SOX6: variants seen among roughly 807,000 people sequenced by gnomAD.
SOX6 encodes transcription factor SOX-6.
In SOX6, 11 loss-of-function variants were observed where a neutral mutation model predicts 97.8. That is an observed-to-expected ratio of 0.11 (90% CI 0.07 to 0.19). The LOEUF is 0.19. SOX6 is among the 10% of genes least tolerant of loss of function. The pLI, the probability that SOX6 is intolerant of heterozygous loss-of-function variation, is 1.00. For missense variants in SOX6, 810 were observed against 1,039.5 expected, an observed-to-expected ratio of 0.78 and a Z score of 3.04; for synonymous variants, 360 against 371.4, an observed-to-expected ratio of 0.97 and a Z score of 0.35.
chr11:16,020,581 C>T (rs935555065), intron 12 of SOX6, among the ~76,000 whole-genome samples: 1 of 152,082 alleles, frequency 6.6e-6, no homozygotes, highest in Admixed American at 6.6e-5. Flanking sequence ...AGTGACTTGC[C>T]TTTCAATAAT....
intron 2 of SOX6, 60 bp from the exon 3 acceptor site, chr11:16,318,713 G>GA (rs1376822765): frequency 5.9e-5 from 87 of 1,463,232 alleles, no homozygotes; most frequent in Middle Eastern, 2.1e-4. Context: ...TGCTACTGGA[G>GA]AAAAAAATCC....
chr11:16,703,627 C>A (rs1848110540), intron 3 of SOX6, among the ~76,000 whole-genome samples: 1 of 151,724 alleles, frequency 6.6e-6, no homozygotes, highest in Admixed American at 6.6e-5. Flanking sequence ...TGGCTTTTAC[C>A]CCTCTCTCTC....
intron 3 of SOX6, among the ~76,000 whole-genome samples, chr11:16,674,045 C>A (rs1351677023): frequency 6.6e-6 from 1 of 151,954 alleles, no homozygotes; most frequent in Non-Finnish European, 1.5e-5. Flanking sequence ...AAAAAATTAG[C>A]CGGGCCTGGT....
intron 1 of SOX6, among the ~76,000 whole-genome samples, chr11:16,436,229 GCTGTTGGTCA>G (rs750823101): frequency 2.0e-5 from 3 of 152,104 alleles, no homozygotes; most frequent in Non-Finnish European, 1.5e-5. Flanking sequence ...AATAGTGATT[GCTGTTGGTCA>G]CTTCCTTCTT....
At chr11:16,618,647 C>T (rs1416953863) in intron 3 of SOX6, among the ~76,000 whole-genome samples, 1 of 151,552 alleles carries the variant, frequency 6.6e-6, no homozygotes, top group Non-Finnish European at 1.5e-5. Context: ...TCTTAAAAGA[C>T]GATAAAAGAT....
At chr11:16,626,739 C>T (rs1050674285) in intron 3 of SOX6, among the ~76,000 whole-genome samples, 5 of 152,124 alleles carry the variant, frequency 3.3e-5, no homozygotes, top group African/African-American at 9.7e-5. Context: ...ATATTCAATG[C>T]AGAGGTCTTA....
chr11:16,272,104 T>C (rs1012358047), intron 3 of SOX6, among the ~76,000 whole-genome samples: 2 of 151,490 alleles, frequency 1.3e-5, no homozygotes, highest in East Asian at 3.8e-4. Flanking sequence ...TATTTAACAG[T>C]TTTTAGTAAA....
At position 16,202,474 on chromosome 11, in the gene SOX6, C is replaced by T. The variant is rs549243155; in HGVS notation, c.536-15519G>A. Among the ~76,000 whole-genome samples, 7 of 151,956 alleles carry T rather than the reference C, an allele frequency of 4.6e-5. 2 individuals carry two copies. The South Asian group carries it at 1.0e-3, about 23-fold the overall frequency. ...ACAAATGGCTGCTGAATAAATTCCA[C>T]GAAAAAAAGTATTTTTCCCCATTCA... On this transcript the variant is annotated intron_variant, in intron 4 of 15. Coordinates refer to ENST00000683767, the MANE Select transcript of SOX6 (RefSeq NM_001367873.1).
At chr11:16,521,213 C>G (rs972300218) in intron 4 of SOX6, among the ~76,000 whole-genome samples, 3 of 152,194 alleles carry the variant, frequency 2.0e-5, no homozygotes, top group African/African-American at 7.2e-5. Flanking sequence ...CCCGAGCAGC[C>G]TAACTGGGAG....
intron 1 of SOX6, among the ~76,000 whole-genome samples, chr11:16,350,558 C>T (rs988042429): frequency 2.0e-5 from 3 of 151,990 alleles, no homozygotes; most frequent in African/African-American, 4.8e-5. Context: ...TCCTAAACTT[C>T]GATGATGAGT....
intron 4 of SOX6, among the ~76,000 whole-genome samples, chr11:16,210,015 A>G (rs948175663): frequency 2.6e-5 from 4 of 152,174 alleles, no homozygotes; most frequent in African/African-American, 9.6e-5. Context: ...ATGTGGAGAA[A>G]GTGAAACCCA....
intron 1 of SOX6, among the ~76,000 whole-genome samples, chr11:16,363,375 T>A (rs76576415): frequency 6.6e-6 from 1 of 152,150 alleles, no homozygotes; most frequent in South Asian, 2.1e-4. Context: ...GACATGCTCA[T>A]TGAAGCATTT....
intron 4 of SOX6, among the ~76,000 whole-genome samples, chr11:16,230,424 C>A (rs1307490924): frequency 1.3e-5 from 2 of 151,382 alleles, no homozygotes; most frequent in South Asian, 4.2e-4. Context: ...AGGCAAGTTA[C>A]AAAATTAACC....
At position 16,042,233 on chromosome 11, in the gene SOX6, A is replaced by T. The variant is rs374906067; in HGVS notation, c.1623+4281T>A. ...AAAATCCATGTTCTTTGTAATCTAC[A>T]TGTAGTCTGTCTTTCTATGACTGCT... On this transcript the variant is annotated intron_variant, in intron 12 of 15. Transcript: ENST00000683767. 1.8e-4 allele frequency among the ~76,000 whole-genome samples: 27 copies of T among 152,284 alleles called. No homozygotes were observed. The East Asian group carries it at 4.6e-3, about 26-fold the overall frequency.
chr11:16,083,164 A>G (rs1022020440), intron 9 of SOX6, among the ~76,000 whole-genome samples: 6 of 152,010 alleles, frequency 3.9e-5, no homozygotes, highest in Admixed American at 3.3e-4. Context: ...ATAGCATTTC[A>G]CTCGGGGAAC....
At chr11:16,693,317 C>G (rs1331778593) in intron 3 of SOX6, among the ~76,000 whole-genome samples, 1 of 152,026 alleles carries the variant, frequency 6.6e-6, no homozygotes, top group African/African-American at 2.4e-5. Context: ...CATTATTTAT[C>G]TTTGGTGGTG....
chr11:16,061,156 T>C (rs767710309), intron 9 of SOX6, among the ~76,000 whole-genome samples: 32 of 151,602 alleles, frequency 2.1e-4, no homozygotes, highest in Non-Finnish European at 3.4e-4. Flanking sequence ...TCACAGGAAA[T>C]TATTCTTTTG....
chr11:16,413,837 A>T (rs1417233563), intron 1 of SOX6, among the ~76,000 whole-genome samples: 1 of 152,068 alleles, frequency 6.6e-6, no homozygotes, highest in East Asian at 1.9e-4. Context: ...ACACTTTTAA[A>T]TGCGTATACC....
At position 16,273,323 on chromosome 11, in the gene SOX6, A is replaced by G. The variant is rs1435831954; in HGVS notation, c.446-38652T>C. On this transcript the variant is annotated intron_variant, in intron 3 of 15. Coordinates refer to ENST00000683767, the MANE Select transcript of SOX6 (RefSeq NM_001367873.1). The stretch of plus-strand genomic sequence containing the variant: ...AGTTTTGTTATCTTCTTCATTTTCA[A>G]TCTGTAGTAGAAAAGAAAAATAAGA... Among the ~76,000 whole-genome samples, 5 of 152,120 alleles carry G rather than the reference A, an allele frequency of 3.3e-5. No individual in the cohort carries two copies. In the South Asian group the frequency reaches 1.0e-3, roughly 31 times the overall value.
Sources: allele counts gnomAD v4.1 joint callset (sites outside exome capture counted in the v4.1 genomes callset), GRCh38; gene constraint gnomAD v4.1.1; transcripts MANE v1.5; gene names NCBI Gene and HGNC (gene_info 2026-07-23, HGNC 2026-07-21).